OTOF: variants seen among roughly 807,000 people sequenced by gnomAD.
OTOF encodes the protein fer-1-like family member 2.
In OTOF, 218 loss-of-function variants were observed where a neutral mutation model predicts 236.8. The observed-to-expected ratio is 0.92, with a 90% CI of 0.82 to 1.03. The LOEUF is 1.03. Ranked by LOEUF, OTOF falls within the 50% of genes least tolerant of loss-of-function variation. OTOF has a pLI of 0.00. For missense variants in OTOF, 2,590 were observed against 2,694.4 expected, an observed-to-expected ratio of 0.96 and a Z score of 0.86; for synonymous variants, 1,041 against 1,072.5, an observed-to-expected ratio of 0.97 and a Z score of 0.57.
At chr2:26,499,252 G>A (rs896008456) in intron 8 of OTOF, among the ~76,000 whole-genome samples, 20 of 152,076 alleles carry the variant, frequency 1.3e-4, no homozygotes, top group African/African-American at 7.2e-5. Context: ...GAGTTTACAC[G>A]TGACGTGCAT....
chr2:26,461,012 A>T lies in OTOF; in HGVS notation c.5552T>A (p.Leu1851Gln). The T allele has an allele frequency of 7.2e-7, 1 of 1,384,432 alleles. No individual in the cohort carries two copies. Among genetic ancestry groups the T allele is most frequent in the East Asian group, 4.1e-5 (1 of 24,118 alleles). The allele number at this position is 1,384,432 out of a possible 1,614,324, so 85.8% of individuals were successfully genotyped here. ...DDFLGAIELD[L>Q]NRFPRGAKTA... is the part of the protein sequence containing the mutation. ...CTTTGCGCCCCGCGGGAACCGGTTC[A>T]GGTCCAGCTCGATGGCCCCTGTGGC... The change falls in exon 44 of 47, where the codon CTG becomes CAG. Residue 1851 changes from leucine to glutamine, a missense_variant. By Grantham distance (113) the Leu-to-Gln change is moderately radical (BLOSUM62 -2). Coordinates refer to ENST00000272371, the MANE Select transcript of OTOF (RefSeq NM_194248.3). The surrounding 1 kb of genome is among the most constrained non-coding windows in gnomAD (Gnocchi z 6.2).
chr2:26,461,610 G>C lies in OTOF; in HGVS notation c.5533+86C>G. The C allele has an allele frequency of 6.4e-7, 1 of 1,573,010 alleles. No individual in the cohort carries two copies. The highest frequency in any genetic ancestry group is 8.7e-7 in the Non-Finnish European group (1 of 1,154,640). On this transcript the variant is annotated intron_variant, in intron 43 of 46. Coordinates refer to ENST00000272371, the MANE Select transcript of OTOF (RefSeq NM_194248.3). This position sits in a 1 kb window ranked among gnomAD's most constrained non-coding sequence, Gnocchi z 6.2. ...AGCAATGACCCCTTGTCCCCCCAAG[G>C]CAGGGCTCTCCCTGTCCCCGCCAAC...
intron 5 of OTOF, among the ~76,000 whole-genome samples, chr2:26,506,541 G>A (rs1195165660): frequency 3.3e-5 from 5 of 152,234 alleles, no homozygotes; most frequent in Admixed American, 6.5e-5. Context: ...CGGGGGGAGT[G>A]CAAGGTAGCA....
chr2:26,472,594 G>A lies in OTOF; in HGVS notation c.3789C>T (p.Ser1263=), dbSNP rs774236055. The stretch of plus-strand genomic sequence containing the variant: ...CCATAGTCACCACAACCTCCCCTGT[G>A]GAGTGAGAGGAGGAGCCCCCATTGC... ...VLCNGGSSSH[S]TGEVVVTMEP... is the part of the protein sequence containing the mutation. Residue 1263 remains serine (S), a synonymous_variant, in exon 30 of 47, where the codon TCC becomes TCT. Transcript: ENST00000272371. 4.3e-6 allele frequency: 7 copies of A among 1,613,128 alleles called. No homozygotes were observed. In the Admixed American group the frequency reaches 6.7e-5, roughly 15 times the overall value.
At chr2:26,552,543 G>A (rs1667487742) in intron 1 of OTOF, among the ~76,000 whole-genome samples, 2 of 152,256 alleles carry the variant, frequency 1.3e-5, no homozygotes, top group Non-Finnish European at 2.9e-5. Flanking sequence ...CTTTTGCAGG[G>A]GAAGGCAGTT....
chr2:26,527,105 T>A (rs1666825505), intron 3 of OTOF, among the ~76,000 whole-genome samples: 1 of 152,214 alleles, frequency 6.6e-6, no homozygotes, highest in African/African-American at 2.4e-5. Flanking sequence ...CACCTTATAG[T>A]GATAACGCTC....
In OTOF at chr2:26,502,398, G is replaced by T. The variant is rs753264626; in HGVS notation, c.612C>A (p.Asp204Glu). The change falls in exon 7 of 47, where the codon GAC (aspartate) becomes GAA (glutamate). Residue 204 changes from aspartate (D) to glutamate (E), a missense_variant. Transcript: ENST00000272371. ...PDEPAVLEME[D>E]LDHLAIRLGD... is the part of the protein sequence containing the mutation. ...CTAGCCGAATGGCCAGATGGTCAAGGTCTTCCATCTCCAGCACCGCCGGTT... is the reference window on the plus strand; with the variant it reads ...CTAGCCGAATGGCCAGATGGTCAAGTTCTTCCATCTCCAGCACCGCCGGTT... The T allele has an allele frequency of 1.2e-6, 2 of 1,613,658 alleles. No individual in the cohort carries two copies. The highest frequency in any genetic ancestry group is 1.1e-5 in the South Asian group (1 of 91,024).
intron 11 of OTOF, among the ~76,000 whole-genome samples, chr2:26,487,598 G>A (rs1005165943): frequency 5.9e-5 from 9 of 152,144 alleles, no homozygotes; most frequent in Admixed American, 2.6e-4. Flanking sequence ...TGATGCCCTG[G>A]TGGTTTCCTC....
In OTOF at chr2:26,475,341, A is replaced by G. The variant is rs1665197968; in HGVS notation, c.3126+18T>C. The G allele has an allele frequency of 3.1e-6, 5 of 1,612,602 alleles. No individual in the cohort carries two copies. The highest frequency in any genetic ancestry group is 2.7e-5 in the African/African-American group (2 of 74,892). On this transcript the variant is annotated intron_variant, in intron 25 of 46. Coordinates refer to ENST00000272371, the MANE Select transcript of OTOF (RefSeq NM_194248.3). ...GTGTGGTGCTGCTGGGGTCCCTGGC[A>G]CCAGAGCCCACCCATACCATGGAAT...
chr2:26,521,219 C>A (rs1383120869), intron 3 of OTOF, among the ~76,000 whole-genome samples: 1 of 152,198 alleles, frequency 6.6e-6, no homozygotes, highest in East Asian at 1.9e-4. Context: ...CTACTATTAC[C>A]CTTTGTGGAT....
At chr2:26,515,026 A>G (rs1027918309) in intron 5 of OTOF, among the ~76,000 whole-genome samples, 1 of 152,346 alleles carries the variant, frequency 6.6e-6, no homozygotes, top group Non-Finnish European at 1.5e-5. Flanking sequence ...GTTGTGCTAC[A>G]AGAAACCTGT....
At position 26,477,217 on chromosome 2, in the gene OTOF, C is replaced by G; in HGVS notation, c.2478G>C (p.Arg826Ser). The G allele has an allele frequency of 6.2e-7, 1 of 1,610,762 alleles. No homozygotes were observed. The highest frequency in any genetic ancestry group is 8.5e-7 in the Non-Finnish European group (1 of 1,179,572). ...GCTTCTGCAGGAAGTTCTGGCACAG[C>G]CTCAGCTTGTCCCGCACCGTGTGCC... ...VKRHTVRDKL[R>S]LCQNFLQKLR... Residue 826 changes from arginine (R) to serine (S), a missense_variant, in exon 21 of 47, where the codon AGG becomes AGC. Arg to Ser is a moderately radical substitution (Grantham distance 110). Around this residue, in one of 2 missense-constraint regions of OTOF, gnomAD observed 1,379 missense variants for 1,341.6 expected, o/e 1.03. Coordinates refer to ENST00000272371, the MANE Select transcript of OTOF (RefSeq NM_194248.3). The surrounding 1 kb of genome is among the most constrained non-coding windows in gnomAD (Gnocchi z 4.7).
chr2:26,538,959 G>A (rs779009457), intron 1 of OTOF, among the ~76,000 whole-genome samples: 8 of 151,866 alleles, frequency 5.3e-5, no homozygotes, highest in Non-Finnish European at 7.4e-5. Flanking sequence ...GATTACAGGC[G>A]CCGCCACCAT....
In OTOF at chr2:26,462,085, C is replaced by G. The variant is rs751015369; in HGVS notation, c.5289G>C (p.Arg1763Ser). Residue 1763 changes from arginine (R) to serine (S), a missense_variant and splice_region_variant, in exon 42 of 47, where the codon AGG becomes AGC. Around this residue, in one of 2 missense-constraint regions of OTOF, gnomAD observed 1,211 missense variants for 1,352.8 expected, o/e 0.90. Coordinates refer to ENST00000272371, the MANE Select transcript of OTOF (RefSeq NM_194248.3). This position sits in a 1 kb window ranked among gnomAD's most constrained non-coding sequence, Gnocchi z 4.7. ...CCATGCAGGGACTGCTCACCCACCC[C>G]CTCACGAAGATGTCACTGGACTTCT... is the stretch of plus-strand genomic sequence containing the variant. ...TGEKSSDIFV[R>S]GWLKGQQEDK... 4 of 1,613,596 alleles carry G rather than the reference C, an allele frequency of 2.5e-6. No individual in the cohort carries two copies. In the East Asian group the frequency reaches 6.7e-5, roughly 27 times the overall value.
intron 18 of OTOF, chr2:26,478,050 G>A: frequency 1.4e-6 from 2 of 1,431,838 alleles, no homozygotes; most frequent in South Asian, 3.1e-5. Context: ...CGGCTACGGG[G>A]CTCAGGGCTG....
rs373245935 is a variant in OTOF at position 26,516,512 on chromosome 2, G to A, written c.415C>T (p.Leu139Phe). 1 of 1,613,624 alleles carries A rather than the reference G, an allele frequency of 6.2e-7. No individual in the cohort carries two copies. Among genetic ancestry groups the A allele is most frequent in the Non-Finnish European group, 8.5e-7 (1 of 1,180,002 alleles). Residue 139 changes from leucine (L) to phenylalanine (F), a missense_variant, in exon 5 of 47, where the codon CTT becomes TTT. Around this residue, in one of 2 missense-constraint regions of OTOF, gnomAD observed 1,379 missense variants for 1,341.6 expected, o/e 1.03. Transcript: ENST00000272371. ...DDGDFLGDES[L>F]QEEEKDSQET... ...TGGCTGTCCTTCTCTTCCTCTTGAAGAGACTCATCTCCCAGGAAGTCCCCA... is the reference window on the plus strand; with the variant it reads ...TGGCTGTCCTTCTCTTCCTCTTGAAAAGACTCATCTCCCAGGAAGTCCCCA...
chr2:26,458,727 G>T (rs1413044630), intron 46 of OTOF, among the ~76,000 whole-genome samples: 1 of 152,206 alleles, frequency 6.6e-6, no homozygotes, highest in Non-Finnish European at 1.5e-5. Flanking sequence ...CAGCCGAGAA[G>T]CACCTGGCCA....
Position 26,489,687 on chromosome 2 carries a change from G to T in OTOF, c.951C>A (p.Ile317=). ...GCTGCTCCCCACTCACCGAAATCTT[G>T]ATGATCTTGTCAAACATGACATCCG... ...VSPDVMFDKI[I]KISVIHSKNL... is the part of the protein sequence containing the mutation. The change falls in exon 10 of 47, where the codon ATC becomes ATA. Residue 317 remains isoleucine, a synonymous_variant. Transcript: ENST00000272371. 1 of 1,612,746 alleles carries T rather than the reference G, an allele frequency of 6.2e-7. No homozygotes were observed.
chr2:26,486,488 G>A (rs1665704806), intron 11 of OTOF, among the ~76,000 whole-genome samples: 1 of 152,198 alleles, frequency 6.6e-6, no homozygotes, highest in African/African-American at 2.4e-5. Context: ...ATAGAGGTGT[G>A]CATGGTTAGA....
Sources: allele counts gnomAD v4.1 joint callset (sites outside exome capture counted in the v4.1 genomes callset), GRCh38; gene constraint gnomAD v4.1.1; regional missense constraint gnomAD v4.1.1; non-coding constraint Gnocchi (gnomAD v3.1); transcripts MANE v1.5; gene names NCBI Gene and HGNC (gene_info 2026-07-23, HGNC 2026-07-21).